Variants in PINLYP observed in about 807,000 individuals in gnomAD.
The protein encoded by PINLYP is phospholipase A2 inhibitor and LY6/PLAUR domain containing.
In PINLYP, 12 loss-of-function variants were observed where a neutral mutation model predicts 15.8. The ratio of observed to expected loss-of-function variants is 0.76; its 90% CI spans 0.49 to 1.23. The LOEUF is 1.23. Ranked by LOEUF, PINLYP falls within the 50% of genes most tolerant of loss-of-function variation. PINLYP has a pLI of 0.00. For synonymous variants in PINLYP, 93 were observed against 97.7 expected, an observed-to-expected ratio of 0.95 and a Z score of 0.28; for missense variants, 278 against 264.2, an observed-to-expected ratio of 1.05 and a Z score of -0.36.
chr19:43,580,815 C>G (rs1258281847), intron 3 of PINLYP: 1 of 623,208 alleles, frequency 1.6e-6, no homozygotes, highest in Non-Finnish European at 2.0e-6. Context: ...GAGACCGCCC[C>G]GGCCGGGCTG....
At chr19:43,580,085 A>AAGGC (rs1972911697) in intron 3 of PINLYP, among the ~76,000 whole-genome samples, 1 of 152,180 alleles carries the variant, frequency 6.6e-6, no homozygotes, top group Non-Finnish European at 1.5e-5. Flanking sequence ...TGAGGGAATA[A>AAGGC]AGGCGACTTT....
intron 2 of PINLYP, 145 bp downstream of exon 2, chr19:43,577,406 G>C: frequency 1.1e-6 from 1 of 906,242 alleles, no homozygotes; most frequent in Non-Finnish European, 1.6e-6. Flanking sequence ...TCAGATTCAT[G>C]GAAGAGGCCA....
At chr19:43,581,044 C>G in intron 3 of PINLYP, 168 bp from the exon 4 acceptor site, 1 of 831,760 alleles carries the variant, frequency 1.2e-6, no homozygotes. Context: ...GCACTCCAGC[C>G]TGGGCAACTC....
exon 3 of PINLYP, chr19:43,578,638 A>G: frequency 6.5e-7 from 1 of 1,536,042 alleles, no homozygotes; most frequent in Non-Finnish European, 8.7e-7. Flanking sequence ...AGCAGGTGCC[A>G]TGGCCAAATG....
chr19:43,575,539 G>C (rs759578213), upstream of PINLYP: 2 of 1,462,216 alleles, frequency 1.4e-6, no homozygotes, highest in African/African-American at 2.8e-5. Flanking sequence ...GGAGGGGGCG[G>C]GGTGCGCCCT....
At chr19:43,582,078 A>G (rs1972943668) in exon 6 of PINLYP, 17 of 1,488,338 alleles carry the variant, frequency 1.1e-5, no homozygotes, top group Non-Finnish European at 1.4e-5. Context: ...CCGTGTGCCT[A>G]TAAAGAAGTT....
intron 2 of PINLYP, among the ~76,000 whole-genome samples, chr19:43,577,822 C>T (rs1244236529): frequency 6.6e-6 from 1 of 152,032 alleles, no homozygotes; most frequent in African/African-American, 2.4e-5. Flanking sequence ...GAGAGGATTG[C>T]TTGAAACTGG....
At chr19:43,581,054 C>T (rs1022093559) in intron 3 of PINLYP, 158 bp from the exon 4 acceptor site, 1 of 913,942 alleles carries the variant, frequency 1.1e-6, no homozygotes, top group Non-Finnish European at 1.6e-6. Flanking sequence ...CTGGGCAACT[C>T]CGTCTAAAAA....
intron 3 of PINLYP, 105 bp downstream of exon 3, chr19:43,578,811 C>T (rs1401884968): frequency 3.3e-5 from 28 of 841,596 alleles, no homozygotes; most frequent in Non-Finnish European, 4.6e-5. Flanking sequence ...AAGACGGGAG[C>T]GTGGGAAGAA....
chr19:43,575,659 G>A, upstream of PINLYP: 1 of 461,816 alleles, frequency 2.2e-6, no homozygotes, highest in African/African-American at 2.0e-5. Flanking sequence ...AGAGCGGGAA[G>A]AGCGCTGCGT....
chr19:43,578,779 A>T, intron 3 of PINLYP, 73 bp downstream of exon 3: 1 of 1,164,208 alleles, frequency 8.6e-7, no homozygotes, highest in Non-Finnish European at 1.2e-6. Flanking sequence ...TACCATGCTG[A>T]GGGGGGATCA....
chr19:43,582,012 G>A (rs1471394788), exon 6 of PINLYP: 1 of 1,533,142 alleles, frequency 6.5e-7, no homozygotes, highest in South Asian at 1.2e-5. Context: ...AAAGCTATCT[G>A]AACAGAGGAA....
chr19:43,580,752 C>A, intron 3 of PINLYP: 1 of 913,536 alleles, frequency 1.1e-6, no homozygotes, highest in Non-Finnish European at 1.3e-6. Context: ...TAAGAAAGCA[C>A]TCCAGGCCAT....
At chr19:43,581,273 C>A (rs1298675380) in exon 4 of PINLYP, 1 of 1,537,108 alleles carries the variant, frequency 6.5e-7, no homozygotes, top group South Asian at 1.2e-5. Context: ...GCTACTCCGG[C>A]GTTATATCCA....
chr19:43,578,624 G>T, exon 3 of PINLYP: 2 of 1,535,976 alleles, frequency 1.3e-6, no homozygotes, highest in South Asian at 1.2e-5. Flanking sequence ...GTACGGCGGC[G>T]GGGAGCAGGT....
intron 2 of PINLYP, 64 bp downstream of exon 2, chr19:43,577,325 G>C: frequency 2.7e-6 from 4 of 1,480,894 alleles, no homozygotes; most frequent in Non-Finnish European, 3.6e-6. Flanking sequence ...CAGATTGAGA[G>C]AGAGAGAGAT....
intron 1 of PINLYP, 75 bp downstream of exon 1, chr19:43,576,994 A>G: frequency 1.0e-6 from 1 of 972,382 alleles, no homozygotes; most frequent in Non-Finnish European, 1.5e-6. Flanking sequence ...TGGGGTCTCC[A>G]TGGAGGTGGG....
upstream of PINLYP, chr19:43,575,595 C>T (rs1972851378): frequency 4.7e-6 from 4 of 853,146 alleles, no homozygotes; most frequent in Non-Finnish European, 6.9e-6. Context: ...GCCTTTCAAA[C>T]CCCGGCGCGC....
chr19:43,576,912 G>GGCC (rs397719987), exon 1 of PINLYP: 7 of 479,900 alleles, frequency 1.5e-5, no homozygotes, highest in Non-Finnish European at 2.2e-5. Flanking sequence ...ACAATGGGCC[G>GGCC]TGGGAAGGTG....
Sources: gnomAD v4.1 joint callset for allele counts (sites outside exome capture counted in the v4.1 genomes callset) on GRCh38, gnomAD v4.1.1 for gene constraint, MANE v1.5 for transcripts, NCBI Gene and HGNC (gene_info 2026-07-23, HGNC 2026-07-21) for gene names.